The following DPYD variants were observed in gnomAD, a reference collection of about 807,000 sequenced individuals.
DPYD encodes the protein dihydropyrimidine dehydrogenase.
DPYD carries 109 observed loss-of-function variants against 116.2 expected under a neutral mutation model. That is an observed-to-expected ratio of 0.94 (90% CI 0.80 to 1.10). The LOEUF (loss-of-function observed/expected upper bound fraction) is 1.10, where lower values mean the gene tolerates loss of function less well. Among genes scored for constraint, DPYD ranks in the 50% least tolerant of loss-of-function variants. DPYD has a pLI of 0.00. For missense variants in DPYD, 1,302 were observed against 1,254.5 expected (o/e 1.04, Z -0.57); for synonymous variants, 440 against 432.0 (o/e 1.02, Z -0.23).
At chr1:97,190,458 G>C (rs1231646081) in intron 20 of DPYD, among the ~76,000 whole-genome samples, 1 of 152,112 alleles carries the variant, frequency 6.6e-6, no homozygotes. Context: ...TGGGGCCTGG[G>C]AACCTACATT....
intron 3 of DPYD, among the ~76,000 whole-genome samples, chr1:97,784,629 C>T (rs1666924452): frequency 6.6e-6 from 1 of 152,178 alleles, no homozygotes; most frequent in African/African-American, 2.4e-5. Flanking sequence ...ACTATGGAAG[C>T]ACTCTCTCTC....
chr1:97,904,981 G>A (rs1279238094), intron 1 of DPYD, among the ~76,000 whole-genome samples: 1 of 151,886 alleles, frequency 6.6e-6, no homozygotes, highest in Non-Finnish European at 1.5e-5. Flanking sequence ...ATTTCTCCAG[G>A]AAAGTTGACT....
At chr1:97,624,470 C>CA (rs1340150401) in intron 8 of DPYD, among the ~76,000 whole-genome samples, 1 of 151,886 alleles carries the variant, frequency 6.6e-6, no homozygotes, top group Admixed American at 6.6e-5. Flanking sequence ...TGAAAGATAA[C>CA]AAGTGTTAGC....
intron 12 of DPYD, among the ~76,000 whole-genome samples, chr1:97,531,903 T>C (rs1217723950): frequency 2.6e-5 from 4 of 152,118 alleles, no homozygotes; most frequent in Non-Finnish European, 4.4e-5. Flanking sequence ...ATTTTTTTCT[T>C]AATTTTTTGG....
At chr1:97,621,367 TAG>T (rs200222490) in intron 8 of DPYD, among the ~76,000 whole-genome samples, 1 of 152,022 alleles carries the variant, frequency 6.6e-6, no homozygotes, top group Non-Finnish European at 1.5e-5. Context: ...AAGAAAAGGA[TAG>T]AGAGAGGCTA....
chr1:97,134,066 T>TC, intron 20 of DPYD, among the ~76,000 whole-genome samples: 1 of 121,118 alleles, frequency 8.3e-6, no homozygotes, highest in Non-Finnish European at 1.7e-5. Context: ...TATATATATA[T>TC]ATTCTAATTA....
chr1:97,401,894 A>G (rs1673398651), intron 14 of DPYD, among the ~76,000 whole-genome samples: 1 of 152,120 alleles, frequency 6.6e-6, no homozygotes, highest in Non-Finnish European at 1.5e-5. Flanking sequence ...TGTATTCTCC[A>G]CTGAAGTGTC....
intron 16 of DPYD, among the ~76,000 whole-genome samples, chr1:97,325,647 A>G (rs1309020436): frequency 1.3e-5 from 2 of 152,152 alleles, no homozygotes; most frequent in East Asian, 3.9e-4. Context: ...CAGTGGAGTG[A>G]TTACTTTTTA....
At chr1:97,634,317 T>C (rs377052685) in intron 8 of DPYD, among the ~76,000 whole-genome samples, 1 of 152,140 alleles carries the variant, frequency 6.6e-6, no homozygotes, top group Non-Finnish European at 1.5e-5. Context: ...AAGTGAATCA[T>C]GAATTCACAG....
At chr1:97,714,258 G>A (rs1662472225) in intron 5 of DPYD, among the ~76,000 whole-genome samples, 1 of 151,996 alleles carries the variant, frequency 6.6e-6, no homozygotes, top group Non-Finnish European at 1.5e-5. Context: ...TCTGTCGCCA[G>A]GCTGGTGTGT....
chr1:97,400,615 C>T (rs536291922), intron 14 of DPYD, among the ~76,000 whole-genome samples: 1 of 152,228 alleles, frequency 6.6e-6, no homozygotes, highest in South Asian at 2.1e-4. Context: ...TAATTATTGC[C>T]TCAATTTCAG....
chr1:97,737,308 G>A (rs1486050139), intron 4 of DPYD, among the ~76,000 whole-genome samples: 1 of 152,070 alleles, frequency 6.6e-6, no homozygotes, highest in Non-Finnish European at 1.5e-5. Context: ...ATGACCTCCT[G>A]TACCAAGGGA....
intron 13 of DPYD, among the ~76,000 whole-genome samples, chr1:97,471,256 T>C (rs952423882): frequency 6.6e-6 from 1 of 151,862 alleles, no homozygotes; most frequent in Non-Finnish European, 1.5e-5. Flanking sequence ...AAGGGGTCAA[T>C]AGGGAAATTA....
chr1:97,547,832 T>G (rs573194042), intron 12 of DPYD, among the ~76,000 whole-genome samples: 1 of 152,154 alleles, frequency 6.6e-6, no homozygotes, highest in Non-Finnish European at 1.5e-5. Flanking sequence ...TTGAGATTCC[T>G]ACATTTCTGG....
chr1:97,418,950 T>C (rs1027897558), intron 14 of DPYD, among the ~76,000 whole-genome samples: 1 of 152,114 alleles, frequency 6.6e-6, no homozygotes, highest in South Asian at 2.1e-4. Context: ...AAATCCAAGG[T>C]GGCAGCAGGG....
At chr1:97,520,949 T>A (rs189877298) in intron 12 of DPYD, among the ~76,000 whole-genome samples, 1 of 152,284 alleles carries the variant, frequency 6.6e-6, no homozygotes, top group East Asian at 1.9e-4. Flanking sequence ...TGTGCATATC[T>A]CTTTATAGTA....
chr1:97,580,144 A>C (rs1388281095), intron 10 of DPYD, among the ~76,000 whole-genome samples: 1 of 152,252 alleles, frequency 6.6e-6, no homozygotes, highest in East Asian at 1.9e-4. Flanking sequence ...ATAGGTTATA[A>C]AGTATAATGA....
intron 8 of DPYD, among the ~76,000 whole-genome samples, chr1:97,623,965 A>C (rs2100777267): frequency 6.6e-6 from 1 of 152,074 alleles, no homozygotes; most frequent in South Asian, 2.1e-4. Flanking sequence ...GCACCATATA[A>C]AAAACCAACT....
At chr1:97,739,611 A>G (rs1388011634) in intron 4 of DPYD, among the ~76,000 whole-genome samples, 1 of 152,168 alleles carries the variant, frequency 6.6e-6, no homozygotes, top group Non-Finnish European at 1.5e-5. Flanking sequence ...GAGTTAAGGT[A>G]TCTTTACAGC....
Sources: allele counts gnomAD v4.1 joint callset (sites outside exome capture counted in the v4.1 genomes callset), GRCh38; gene constraint gnomAD v4.1.1; transcripts MANE v1.5; gene names NCBI Gene and HGNC (gene_info 2026-07-23, HGNC 2026-07-21).